Variants in ZNF532 observed in about 807,000 individuals in gnomAD.
ZNF532 encodes the protein zinc finger protein 532.
In ZNF532, 22 loss-of-function variants were observed where a neutral mutation model predicts 89.3. The ratio of observed to expected loss-of-function variants is 0.25; its 90% CI spans 0.18 to 0.35. The LOEUF (loss-of-function observed/expected upper bound fraction) is 0.35, where lower values mean the gene tolerates loss of function less well. Among genes scored for constraint, ZNF532 ranks in the 10% least tolerant of loss-of-function variants. ZNF532 has a pLI of 1.00. For missense variants in ZNF532, 1,132 were observed against 1,643.4 expected, an observed-to-expected ratio of 0.69 and a Z score of 5.38; for synonymous variants, 606 against 649.6, an observed-to-expected ratio of 0.93 and a Z score of 1.02.
intron 2 of ZNF532, among the ~76,000 whole-genome samples, chr18:58,907,685 C>T (rs1200809127): frequency 6.6e-6 from 1 of 152,050 alleles, no homozygotes; most frequent in Non-Finnish European, 1.5e-5. Flanking sequence ...GCTGTGCTTC[C>T]GGTCAGCATG....
At position 58,888,879 on chromosome 18, in the gene ZNF532, T is replaced by TAAA. The variant is rs1178944508; in HGVS notation, c.-18+23301_-18+23302insAAA. 2.5e-4 allele frequency among the ~76,000 whole-genome samples: 12 copies of TAAA among 47,374 alleles called. 1 individual carries two copies. The highest frequency in any genetic ancestry group is 5.0e-4 in the African/African-American group (5 of 10,076). The allele number at this position is 47,374 out of a possible 152,430, so 31.1% of individuals were successfully genotyped here. A position where few individuals can be genotyped will look rare whatever the true frequency, so the allele number is the denominator to read the frequency against. On this transcript the variant is annotated intron_variant, in intron 2 of 9. Coordinates refer to ENST00000591808, the MANE Select transcript of ZNF532 (RefSeq NM_001375912.1). ...ATTTATATATATATAATATATATTA[T>TAAA]ATATATATATTTTATATATATATAT... is the stretch of plus-strand genomic sequence containing the variant.
At chr18:58,933,378 T>C (rs2062116201) in intron 3 of ZNF532, among the ~76,000 whole-genome samples, 1 of 152,174 alleles carries the variant, frequency 6.6e-6, no homozygotes, top group South Asian at 2.1e-4. Context: ...TTGGGCGTGC[T>C]TCAAAAACAA....
At chr18:58,953,471 T>C (rs2064429963) in intron 6 of ZNF532, 47 bp from the exon 7 acceptor site, 1 of 1,536,204 alleles carries the variant, frequency 6.5e-7, no homozygotes, top group African/African-American at 1.4e-5. Flanking sequence ...TGCTTTCTTT[T>C]AGTGTTGTGA....
chr18:58,936,948 G>A (rs531077014), intron 4 of ZNF532, among the ~76,000 whole-genome samples: 20 of 152,030 alleles, frequency 1.3e-4, no homozygotes, highest in Non-Finnish European at 2.4e-4. Flanking sequence ...ACTTTGTCTC[G>A]TCTTGGTGCA....
At position 58,888,787 on chromosome 18, in the gene ZNF532, A is replaced by AATATATATAATTTATATATATAAAAAATT. The variant is rs2058580160; in HGVS notation, c.-18+23219_-18+23247dup. ...ATATATATAATTTATATATATATAAAATATATATAATTTATATATATAAAA... is the reference window on the plus strand; with the variant it reads ...ATATATATAATTTATATATATATAAAATATATATAATTTATATATATAAAAAATTATATATATAATTTATATATATAAAA... On this transcript the variant is annotated intron_variant, in intron 2 of 9. Transcript: ENST00000591808. Among the ~76,000 whole-genome samples, 2 of 8,152 alleles carry AATATATATAATTTATATATATAAAAAATT rather than the reference A, an allele frequency of 2.5e-4. 1 individual carries two copies. Among genetic ancestry groups the AATATATATAATTTATATATATAAAAAATT allele is most frequent in the Non-Finnish European group, 4.8e-4 (2 of 4,146 alleles). The allele number at this position is 8,152 out of a possible 152,430, so 5.3% of individuals were successfully genotyped here. A position where few individuals can be genotyped will look rare whatever the true frequency, so the allele number is the denominator to read the frequency against.
chr18:58,872,361 C>T (rs1013001905), intron 2 of ZNF532, among the ~76,000 whole-genome samples: 3 of 152,140 alleles, frequency 2.0e-5, no homozygotes, highest in Non-Finnish European at 4.4e-5. Context: ...GACACAAACT[C>T]CTCCTTTCCC....
At chr18:58,925,805 G>T (rs568063031) in intron 3 of ZNF532, among the ~76,000 whole-genome samples, 1 of 152,146 alleles carries the variant, frequency 6.6e-6, no homozygotes, top group African/African-American at 2.4e-5. Context: ...TTTAGGTGGA[G>T]GGTCATTTTT....
intron 2 of ZNF532, among the ~76,000 whole-genome samples, chr18:58,894,019 G>T (rs1165471277): frequency 2.6e-5 from 4 of 152,222 alleles, no homozygotes; most frequent in Non-Finnish European, 5.9e-5. Flanking sequence ...ACTACAGGGA[G>T]AAGGAAGAGA....
intron 2 of ZNF532, among the ~76,000 whole-genome samples, chr18:58,912,115 A>C (rs1033182086): frequency 6.6e-6 from 1 of 152,040 alleles, no homozygotes. Flanking sequence ...TCACTCCTCT[A>C]TTTCCCAAGG....
intron 5 of ZNF532, among the ~76,000 whole-genome samples, chr18:58,940,730 T>G (rs916816163): frequency 6.6e-6 from 1 of 152,094 alleles, no homozygotes; most frequent in Admixed American, 6.5e-5. Flanking sequence ...GTGTCTTCGC[T>G]CCCTCCTTGT....
intron 4 of ZNF532, 116 bp from the exon 5 acceptor site, chr18:58,939,329 G>A (rs1050743724): frequency 1.0e-4 from 54 of 537,470 alleles, no homozygotes; most frequent in Middle Eastern, 6.5e-4. Context: ...ATATACTTCC[G>A]AAGGGCCATT....
chr18:58,898,984 G>T (rs2059422688), intron 2 of ZNF532, among the ~76,000 whole-genome samples: 1 of 152,266 alleles, frequency 6.6e-6, no homozygotes, highest in Non-Finnish European at 1.5e-5. Context: ...CAGCGCTGGA[G>T]AGAAATGGGT....
At chr18:58,888,743 T>TA (rs1555709077) in intron 2 of ZNF532, among the ~76,000 whole-genome samples, 4 of 41,538 alleles carry the variant, frequency 9.6e-5, no homozygotes, top group African/African-American at 1.8e-4. Flanking sequence ...TATATATATT[T>TA]TATATATATA....
chr18:58,919,454 A>C lies in ZNF532; in HGVS notation c.1167A>C (p.Gly389=), dbSNP rs147557297. ...RVLPEVDLDS[G]KKPSEQTASV... is the part of the protein sequence containing the mutation. The stretch of plus-strand genomic sequence containing the variant: ...TGCCAGAAGTGGATCTTGACTCTGG[A>C]AAGAAACCTTCCGAGCAGACAGCGT... Residue 389 remains glycine, a synonymous_variant, in exon 3 of 10, where the codon GGA becomes GGC. Transcript: ENST00000591808. The surrounding 1 kb of genome is among the most constrained non-coding windows in gnomAD (Gnocchi z 6.1). 3.1e-6 allele frequency: 5 copies of C among 1,614,190 alleles called. No individual in the cohort carries two copies. In the East Asian group the frequency reaches 1.1e-4, roughly 36 times the overall value.
intron 7 of ZNF532, among the ~76,000 whole-genome samples, chr18:58,967,801 C>G (rs2066079330): frequency 1.3e-5 from 2 of 152,202 alleles, no homozygotes; most frequent in East Asian, 3.8e-4. Flanking sequence ...CGTTTTATTA[C>G]TATAGATTTG....
chr18:58,969,986 C>T (rs1341145895), intron 7 of ZNF532, among the ~76,000 whole-genome samples: 1 of 146,624 alleles, frequency 6.8e-6, no homozygotes, highest in African/African-American at 2.6e-5. Flanking sequence ...TGGGTTCAAG[C>T]GATTCTCCTG....
At chr18:58,863,306 C>G (rs2056114372), upstream of ZNF532, 1 of 151,676 alleles carries the variant, frequency 6.6e-6, no homozygotes, top group South Asian at 2.1e-4. Flanking sequence ...CCAGCGGCCC[C>G]GTATGGGCGA....
chr18:58,939,450 T>C lies in ZNF532; in HGVS notation c.2534T>C (p.Val845Ala). 6.2e-7 allele frequency: 1 copy of C among 1,612,808 alleles called. No individual in the cohort carries two copies. The highest frequency in any genetic ancestry group is 8.5e-7 in the Non-Finnish European group (1 of 1,179,544). The change falls in exon 5 of 10, where the codon GTG (valine) becomes GCG (alanine). Residue 845 changes from valine to alanine, a missense_variant. Val to Ala is a moderately conservative substitution (Grantham distance 64). Coordinates refer to ENST00000591808, the MANE Select transcript of ZNF532 (RefSeq NM_001375912.1). The stretch of plus-strand genomic sequence containing the variant: ...TGTGTTTATTTTTCTAACAGATGTG[T>C]GCATTGCAATGTTGTGTACTCTGAT... ...HYTRRVGFRC[V>A]HCNVVYSDVA...
At chr18:58,922,762 G>A (rs1399496172) in intron 3 of ZNF532, among the ~76,000 whole-genome samples, 3 of 152,150 alleles carry the variant, frequency 2.0e-5, no homozygotes, top group Admixed American at 6.5e-5. Flanking sequence ...GCTTAGGAGG[G>A]TTCTCACTAT....
Sources: allele counts gnomAD v4.1 joint callset (sites outside exome capture counted in the v4.1 genomes callset), GRCh38; gene constraint gnomAD v4.1.1; non-coding constraint Gnocchi (gnomAD v3.1); transcripts MANE v1.5; gene names NCBI Gene and HGNC (gene_info 2026-07-23, HGNC 2026-07-21).